RNF13: variants seen among roughly 807,000 people sequenced by gnomAD.
RNF13 encodes ring finger protein 13.
A neutral mutation model predicts 37.7 loss-of-function variants in RNF13; 19 were observed. The ratio of observed to expected loss-of-function variants is 0.50; its 90% CI spans 0.35 to 0.74. RNF13 has a LOEUF of 0.74. Among genes scored for constraint, RNF13 ranks in the 30% least tolerant of loss-of-function variants. RNF13 has a pLI of 0.01. For synonymous variants in RNF13, 144 were observed against 157.8 expected, an observed-to-expected ratio of 0.91 and a Z score of 0.65; for missense variants, 375 against 453.0, an observed-to-expected ratio of 0.83 and a Z score of 1.56.
chr3:149,821,637 A>G, intron 1 of RNF13, among the ~76,000 whole-genome samples: 1 of 151,886 alleles, frequency 6.6e-6, no homozygotes, highest in East Asian at 1.9e-4. Context: ...ATTTTTTGAT[A>G]ATGTCCTTTG....
intron 5 of RNF13, among the ~76,000 whole-genome samples, chr3:149,900,481 G>A (rs1007512091): frequency 6.6e-6 from 1 of 152,056 alleles, no homozygotes; most frequent in African/African-American, 2.4e-5. Context: ...GGCTGAGACA[G>A]GAGGGGCACT....
At chr3:149,853,447 AGAGAGAGG>A (rs1295952697) in intron 3 of RNF13, among the ~76,000 whole-genome samples, 3 of 115,892 alleles carry the variant, frequency 2.6e-5, no homozygotes, top group African/African-American at 9.7e-5. Flanking sequence ...TGTGTGAGAG[AGAGAGAGG>A]GAGAGAGAGA....
intron 8 of RNF13, chr3:149,939,132 TC>T (rs879540146): frequency 3.1e-5 from 16 of 513,374 alleles, no homozygotes; most frequent in Non-Finnish European, 6.0e-5. Context: ...AGGAGTTTTT[TC>T]CTGTTTTTTG....
In RNF13 at chr3:149,961,381, G is replaced by T. The variant is rs1346743419; in HGVS notation, c.*277G>T. 1 of 565,354 alleles carries T rather than the reference G, an allele frequency of 1.8e-6. No individual in the cohort carries two copies. Among genetic ancestry groups the T allele is most frequent in the South Asian group, 1.6e-5 (1 of 63,368 alleles). The allele number at this position is 565,354 out of a possible 1,614,324, so 35.0% of individuals were successfully genotyped here. Reference sequence around the variant, plus strand: ...AAACATAAAAAAAAAAAAATCCTCAGTATAGCTTGCAATTAAGACCTAGAT... The same window carrying T: ...AAACATAAAAAAAAAAAAATCCTCATTATAGCTTGCAATTAAGACCTAGAT... On this transcript the variant is annotated 3_prime_UTR_variant, in exon 10 of 10. Coordinates refer to ENST00000392894, the MANE Select transcript of RNF13 (RefSeq NM_183381.3).
At chr3:149,831,700 A>G (rs745566492) in intron 1 of RNF13, among the ~76,000 whole-genome samples, 3 of 152,178 alleles carry the variant, frequency 2.0e-5, no homozygotes, top group Admixed American at 1.3e-4. Context: ...TTGGGAAGGC[A>G]TGATTGGTTT....
chr3:149,824,862 A>G (rs934163144), intron 1 of RNF13, among the ~76,000 whole-genome samples: 1 of 150,788 alleles, frequency 6.6e-6, no homozygotes, highest in Non-Finnish European at 1.5e-5. Flanking sequence ...GTACATGTGC[A>G]GGTTTGTTAT....
chr3:149,868,313 A>ATT (rs557548510), intron 3 of RNF13, among the ~76,000 whole-genome samples: 1 of 150,488 alleles, frequency 6.6e-6, no homozygotes, highest in African/African-American at 2.4e-5. Flanking sequence ...ACCTTCAACT[A>ATT]TTTTTTTTTA....
chr3:149,942,217 T>C (rs1720350766), intron 8 of RNF13, among the ~76,000 whole-genome samples: 1 of 152,166 alleles, frequency 6.6e-6, no homozygotes, highest in African/African-American at 2.4e-5. Context: ...TACGATGCTT[T>C]TTTCTGTTTC....
chr3:149,858,313 A>G (rs1723869344), intron 3 of RNF13, among the ~76,000 whole-genome samples: 1 of 152,234 alleles, frequency 6.6e-6, no homozygotes, highest in Non-Finnish European at 1.5e-5. Flanking sequence ...AATGGTAGCA[A>G]GCAAGGTCTC....
intron 2 of RNF13, 36 bp downstream of exon 2, chr3:149,846,176 T>C (rs371554595): frequency 1.5e-6 from 2 of 1,333,426 alleles, no homozygotes; most frequent in Non-Finnish European, 2.1e-6. Context: ...TCTAGAAACA[T>C]CCCTTAAAGA....
intron 1 of RNF13, among the ~76,000 whole-genome samples, chr3:149,815,696 A>C (rs1048392178): frequency 3.3e-5 from 5 of 152,240 alleles, no homozygotes; most frequent in African/African-American, 1.2e-4. Context: ...ACTTTTATGA[A>C]TCTTTTACAT....
intron 8 of RNF13, among the ~76,000 whole-genome samples, chr3:149,955,543 A>G (rs981829780): frequency 5.9e-5 from 9 of 152,180 alleles, no homozygotes; most frequent in Admixed American, 5.9e-4. Context: ...CTAGAAAAAA[A>G]GCTGCTATTC....
intron 6 of RNF13, among the ~76,000 whole-genome samples, chr3:149,905,367 G>T (rs989590654): frequency 2.6e-5 from 4 of 152,144 alleles, no homozygotes; most frequent in African/African-American, 9.6e-5. Flanking sequence ...TTATGCTTAA[G>T]CGCTACTTAT....
chr3:149,895,455 T>C lies in RNF13; in HGVS notation c.322-18T>C. 3 of 1,469,710 alleles carry C rather than the reference T, an allele frequency of 2.0e-6. No homozygotes were observed. The highest frequency in any genetic ancestry group is 1.9e-6 in the Non-Finnish European group (2 of 1,074,004). 91.0% of individuals were successfully genotyped at this position (1,469,710 alleles called of 1,614,324 possible). A position where few individuals can be genotyped will look rare whatever the true frequency, so the allele number is the denominator to read the frequency against. On this transcript the variant is annotated intron_variant, in intron 4 of 9. Transcript: ENST00000392894. ...CTTCCTTATAACATAATTTTTTTTTTTTTTTTTTGCTTTGCAGGTTTTAAA... is the reference window on the plus strand; with the variant it reads ...CTTCCTTATAACATAATTTTTTTTTCTTTTTTTTGCTTTGCAGGTTTTAAA...
At chr3:149,865,833 G>A (rs912219318) in intron 3 of RNF13, among the ~76,000 whole-genome samples, 9 of 151,996 alleles carry the variant, frequency 5.9e-5, no homozygotes, top group Admixed American at 6.6e-5. Context: ...AAGGGGTCCC[G>A]ATCTAGACCC....
rs1222365008 is a variant in RNF13 at position 149,903,969 on chromosome 3, G to GTCTA, written c.500+1816_500+1819dup. ...TGTCTGTCTGTCTGTCTGTCTGTCT[G>GTCTA]TCTATCTATCTACCTACCTACCTAC... On this transcript the variant is annotated intron_variant, in intron 6 of 9. Coordinates refer to ENST00000392894, the MANE Select transcript of RNF13 (RefSeq NM_183381.3). 4.6e-4 allele frequency among the ~76,000 whole-genome samples: 68 copies of GTCTA among 149,444 alleles called. 2 individuals are homozygous for GTCTA. The highest frequency in any genetic ancestry group is 1.2e-3 in the Admixed American group (18 of 14,938).
Position 149,902,154 on chromosome 3 carries a change from T to C in RNF13, c.492T>C (p.Tyr164=), listed in dbSNP as rs148516101. 9,634 of 1,464,304 alleles carry C rather than the reference T, an allele frequency of 6.6e-3. 49 individuals carry two copies. Among genetic ancestry groups the C allele is most frequent in the Non-Finnish European group, 7.5e-3 (8,077 of 1,080,714 alleles). The allele number at this position is 1,464,304 out of a possible 1,614,324, so 90.7% of individuals were successfully genotyped here. A position where few individuals can be genotyped will look rare whatever the true frequency, so the allele number is the denominator to read the frequency against. The change falls in exon 6 of 10, where the codon TAT becomes TAC. Residue 164 remains tyrosine, a synonymous_variant. Transcript: ENST00000392894. ...ATTCTCTGAAAGATGAATTCACATA[T>C]GAAAAAGGGTAAGTAATGGATATAA... The part of the protein sequence containing the change: ...SANSLKDEFT[Y]EKGGHLILVP...
intron 5 of RNF13, among the ~76,000 whole-genome samples, chr3:149,897,358 C>T (rs1443777343): frequency 6.6e-6 from 1 of 152,202 alleles, no homozygotes; most frequent in East Asian, 1.9e-4. Flanking sequence ...TATTTGTAAA[C>T]TATTTACTCT....
chr3:149,900,727 A>T (rs1292013283), intron 5 of RNF13, among the ~76,000 whole-genome samples: 1 of 152,206 alleles, frequency 6.6e-6, no homozygotes, highest in East Asian at 1.9e-4. Flanking sequence ...ATAAAATTTT[A>T]TTGATCATGT....
Sources: gnomAD v4.1 joint callset for allele counts (sites outside exome capture counted in the v4.1 genomes callset) on GRCh38, gnomAD v4.1.1 for gene constraint, MANE v1.5 for transcripts, NCBI Gene and HGNC (gene_info 2026-07-23, HGNC 2026-07-21) for gene names.